Variants in NKX2-2 observed in about 807,000 individuals in gnomAD.
NKX2-2 encodes NK2 homeobox 2, also known as homeobox protein Nkx-2.2.
In NKX2-2, 8 loss-of-function variants were observed where a neutral mutation model predicts 24.6. The ratio of observed to expected loss-of-function variants is 0.32; its 90% CI spans 0.19 to 0.59. The LOEUF (loss-of-function observed/expected upper bound fraction) is 0.59. Ranked by LOEUF, NKX2-2 falls within the 20% of genes least tolerant of loss-of-function variation. NKX2-2 has a pLI of 0.86. For missense variants in NKX2-2, 381 were observed against 373.9 expected, an observed-to-expected ratio of 1.02 and a Z score of -0.16; for synonymous variants, 217 against 173.3, an observed-to-expected ratio of 1.25 and a Z score of -1.98.
At chr20:21,518,104 C>T (rs954312700), upstream of NKX2-2, among the ~76,000 whole-genome samples, 1 of 152,210 alleles carries the variant, frequency 6.6e-6, no homozygotes, top group African/African-American at 2.4e-5. Flanking sequence ...CTGGAGACCT[C>T]GTAGGCACTC....
chr20:21,511,796 T>C lies in NKX2-2; in HGVS notation c.*127A>G. 1.4e-6 allele frequency: 1 copy of C among 711,026 alleles called. No individual in the cohort carries two copies. Among genetic ancestry groups the C allele is most frequent in the East Asian group, 3.0e-5 (1 of 32,860 alleles). 44.0% of individuals were successfully genotyped at this position (711,026 alleles called of 1,614,324 possible). On this transcript the variant is annotated 3_prime_UTR_variant, in exon 2 of 2. Coordinates refer to ENST00000377142, the MANE Select transcript of NKX2-2 (RefSeq NM_002509.4). Reference sequence around the variant, plus strand: ...GGCGCCTCCCTAGTGGAGCCGAGAGTCAACTCGACTCCATAATAATAATTA... The same window carrying C: ...GGCGCCTCCCTAGTGGAGCCGAGAGCCAACTCGACTCCATAATAATAATTA...
the NKX2-2 span, among the ~76,000 whole-genome samples, chr20:21,520,200 C>A: frequency 1.3e-5 from 2 of 151,944 alleles, no homozygotes; most frequent in African/African-American, 4.8e-5. Context: ...TACAGAGTGG[C>A]GGGAACCCCA....
upstream of NKX2-2, among the ~76,000 whole-genome samples, chr20:21,517,233 G>T (rs987406316): frequency 1.3e-5 from 2 of 152,176 alleles, no homozygotes; most frequent in African/African-American, 4.8e-5. Flanking sequence ...CACCTGAGGC[G>T]CCCACTTCCC....
At position 21,513,549 on chromosome 20, in the gene NKX2-2, G is replaced by C; in HGVS notation, c.121C>G (p.Pro41Ala). The C allele has an allele frequency of 6.2e-7, 1 of 1,613,400 alleles. No homozygotes were observed. The highest frequency in any genetic ancestry group is 1.7e-4 in the Middle Eastern group (1 of 6,052). Residue 41 changes from proline to alanine, a missense_variant, in exon 1 of 2, where the codon CCA becomes GCA. Around this residue, in one of 3 missense-constraint regions of NKX2-2, gnomAD observed 206 missense variants for 173.1 expected, o/e 1.19. Coordinates refer to ENST00000377142, the MANE Select transcript of NKX2-2 (RefSeq NM_002509.4). The surrounding 1 kb of genome is among the most constrained non-coding windows in gnomAD (Gnocchi z 4.6). ...CCCAGCGGCCCGGCCCTCTTGGCTG[G>C]CTCGGGCCCCTCGTTCTCTTCCTCC... The part of the protein sequence containing the change: ...GPEEENEGPE[P>A]AKRAGPLGQG...
upstream of NKX2-2, among the ~76,000 whole-genome samples, chr20:21,515,597 T>TGGGG (rs34811915): frequency 1.9e-4 from 21 of 111,506 alleles, no homozygotes; most frequent in African/African-American, 6.4e-4. Context: ...AAAACTTTTT[T>TGGGG]GGGGGGGGGG....
upstream of NKX2-2, among the ~76,000 whole-genome samples, chr20:21,514,465 T>C (rs954644565): frequency 3.3e-5 from 5 of 149,296 alleles, no homozygotes; most frequent in African/African-American, 1.2e-4. Flanking sequence ...GTCCACACAC[T>C]TGAAAGGGCC....
At chr20:21,512,618 G>T in intron 1 of NKX2-2, 133 bp from the exon 2 acceptor site, 1 of 685,954 alleles carries the variant, frequency 1.5e-6, no homozygotes, top group Non-Finnish European at 2.4e-6. Flanking sequence ...CGCTGCCTTT[G>T]CCATGACCCC....
Position 21,513,267 on chromosome 20 carries a change from G to T in NKX2-2, c.259+144C>A. 2.4e-6 allele frequency: 2 copies of T among 822,592 alleles called. No homozygotes were observed. The highest frequency in any genetic ancestry group is 1.8e-6 in the Non-Finnish European group (1 of 553,632). The allele number at this position is 822,592 out of a possible 1,614,324, so 51.0% of individuals were successfully genotyped here. A position where few individuals can be genotyped will look rare whatever the true frequency, so the allele number is the denominator to read the frequency against. On this transcript the variant is annotated intron_variant, in intron 1 of 1. Coordinates refer to ENST00000377142, the MANE Select transcript of NKX2-2 (RefSeq NM_002509.4). The surrounding 1 kb of genome is among the most constrained non-coding windows in gnomAD (Gnocchi z 4.6). ...AGGAGGGCAGAGGACATCCTATACAGGTGTTAAAAATCTTTCTACGGATCC... is the reference window on the plus strand; with the variant it reads ...AGGAGGGCAGAGGACATCCTATACATGTGTTAAAAATCTTTCTACGGATCC...
the NKX2-2 span, among the ~76,000 whole-genome samples, chr20:21,520,729 G>C: frequency 1.3e-5 from 2 of 152,102 alleles, no homozygotes; most frequent in East Asian, 1.9e-4. Flanking sequence ...CAAACGCCAC[G>C]TCCCCCTGGG....
upstream of NKX2-2, among the ~76,000 whole-genome samples, chr20:21,516,883 C>T (rs917941175): frequency 4.6e-5 from 7 of 152,210 alleles, no homozygotes; most frequent in Admixed American, 6.5e-5. Context: ...GGAACCACCT[C>T]GCTGAAGTTC....
rs1453611613 is a variant in NKX2-2 at position 21,511,452 on chromosome 20, A to C, written c.*471T>G. On this transcript the variant is annotated 3_prime_UTR_variant, in exon 2 of 2. Transcript: ENST00000377142. Reference sequence around the variant, plus strand: ...AGCATTTTCTTATTTTTTTTTAAAAAAAGGAAGAAATTCTCTGTATTTTTA... The same window carrying C: ...AGCATTTTCTTATTTTTTTTTAAAACAAGGAAGAAATTCTCTGTATTTTTA... 1 of 153,194 alleles carries C rather than the reference A, an allele frequency of 6.5e-6. No individual in the cohort carries two copies. The highest frequency in any genetic ancestry group is 1.5e-5 in the Non-Finnish European group (1 of 68,560). 9.5% of individuals were successfully genotyped at this position (153,194 alleles called of 1,614,324 possible).
rs895469730 is a variant in NKX2-2, at chr20:21,512,023, G to A, written c.722C>T (p.Ser241Leu). Residue 241 changes from serine (S) to leucine (L), a missense_variant, in exon 2 of 2, where the codon TCG becomes TTG. Coordinates refer to ENST00000377142, the MANE Select transcript of NKX2-2 (RefSeq NM_002509.4). Reference sequence around the variant, plus strand: ...GGCGTTGTACTGCATGTGCTGCAGCGACTGCGCGCTGTAGGCAGAAAAGGG... The same window carrying A: ...GGCGTTGTACTGCATGTGCTGCAGCAACTGCGCGCTGTAGGCAGAAAAGGG... ...GIPFSAYSAQ[S>L]LQHMQYNAQY... is the part of the protein sequence containing the mutation. The A allele has an allele frequency of 1.7e-5, 28 of 1,613,470 alleles. No homozygotes were observed. The highest frequency in any genetic ancestry group is 2.7e-5 in the African/African-American group (2 of 74,926).
upstream of NKX2-2, among the ~76,000 whole-genome samples, chr20:21,515,399 G>A (rs1378331368): frequency 6.6e-6 from 1 of 152,146 alleles, no homozygotes; most frequent in Non-Finnish European, 1.5e-5. Context: ...GTTCTTTAGT[G>A]TGGTCTCTTT....
chr20:21,516,552 C>A (rs1980645420), upstream of NKX2-2, among the ~76,000 whole-genome samples: 1 of 152,050 alleles, frequency 6.6e-6, no homozygotes, highest in Admixed American at 6.5e-5. Context: ...CGGGAGTGGG[C>A]CTGCCACTGC....
chr20:21,522,471 C>G, the NKX2-2 span, among the ~76,000 whole-genome samples: 1 of 152,116 alleles, frequency 6.6e-6, no homozygotes, highest in Admixed American at 6.5e-5. Context: ...CCATCGCCAC[C>G]GCCGGGCTCC....
rs553472251 is a variant in NKX2-2 at position 21,513,737 on chromosome 20, G to A, written c.-68C>T. On this transcript the variant is annotated 5_prime_UTR_variant, in exon 1 of 2. Coordinates refer to ENST00000377142, the MANE Select transcript of NKX2-2 (RefSeq NM_002509.4). The surrounding 1 kb of genome is among the most constrained non-coding windows in gnomAD (Gnocchi z 4.6). ...CTTGGTCAATTCGTGGCGCTCCCCT[G>A]CCCCGGCGGGCGGGGGAGGGGGGAG... 2.3e-4 allele frequency: 232 copies of A among 1,019,662 alleles called. 1 individual carries two copies. In the South Asian group the frequency reaches 3.7e-3, roughly 16 times the overall value. 63.2% of individuals were successfully genotyped at this position (1,019,662 alleles called of 1,614,324 possible).
At position 21,512,627 on chromosome 20, in the gene NKX2-2, C is replaced by T. The variant is rs532804094; in HGVS notation, c.260-142G>A. The T allele has an allele frequency of 1.2e-4, 77 of 658,344 alleles. No homozygotes were observed. The African/African-American group carries it at 1.3e-3, about 11-fold the overall frequency. The allele number at this position is 658,344 out of a possible 1,614,324, so 40.8% of individuals were successfully genotyped here. On this transcript the variant is annotated intron_variant, in intron 1 of 1. Transcript: ENST00000377142. The stretch of plus-strand genomic sequence containing the variant: ...CAGCCCCGCTGCCTTTGCCATGACC[C>T]CTGCCTTCCTCTACGCCTGACGAAG...
chr20:21,512,530 G>A, intron 1 of NKX2-2, 45 bp from the exon 2 acceptor site: 2 of 1,401,948 alleles, frequency 1.4e-6, no homozygotes, highest in South Asian at 1.4e-5. Context: ...TCTGGAGGCC[G>A]CGCGCAGCCT....
chr20:21,513,768 G>A lies in NKX2-2; in HGVS notation c.-99C>T. The A allele has an allele frequency of 1.6e-6, 1 of 639,370 alleles. No individual in the cohort carries two copies. The highest frequency in any genetic ancestry group is 2.4e-6 in the Non-Finnish European group (1 of 412,724). The allele number at this position is 639,370 out of a possible 1,614,324, so 39.6% of individuals were successfully genotyped here. On this transcript the variant is annotated 5_prime_UTR_variant, in exon 1 of 2. Coordinates refer to ENST00000377142, the MANE Select transcript of NKX2-2 (RefSeq NM_002509.4). This position sits in a 1 kb window ranked among gnomAD's most constrained non-coding sequence, Gnocchi z 4.6. The stretch of plus-strand genomic sequence containing the variant: ...GCGGGCGGGGGAGGGGGGAGTTGGG[G>A]GGAGGGACTGGGGGAGGGGAGGGGG...
Sources: gnomAD v4.1 joint callset for allele counts (sites outside exome capture counted in the v4.1 genomes callset) on GRCh38, gnomAD v4.1.1 for gene constraint, gnomAD v4.1.1 regional missense constraint, Gnocchi (gnomAD v3.1) non-coding constraint, MANE v1.5 for transcripts, NCBI Gene and HGNC (gene_info 2026-07-23, HGNC 2026-07-21) for gene names.